The following FLYWCH1 variants were observed in gnomAD, a reference collection of about 807,000 sequenced individuals.
FLYWCH1 encodes FLYWCH-type zinc finger 1, also known as FLYWCH-type zinc finger-containing protein 1.
Under a neutral mutation model 66.4 loss-of-function variants are expected in FLYWCH1, and 75 were observed. The ratio of observed to expected loss-of-function variants is 1.13; its 90% CI spans 0.94 to 1.37. The LOEUF (loss-of-function observed/expected upper bound fraction) is 1.37. Ranked by LOEUF, FLYWCH1 falls within the 40% of genes most tolerant of loss-of-function variation. FLYWCH1 has a pLI of 0.00. For synonymous variants in FLYWCH1, 595 were observed against 429.9 expected (o/e 1.38, Z -4.75); for missense variants, 1,334 against 1,001.8 (o/e 1.33, Z -4.48).
Position 2,933,827 on chromosome 16 carries a change from A to C in FLYWCH1, c.1361A>C (p.Asp454Ala), listed in dbSNP as rs1297962757. 1 of 1,608,728 alleles carries C rather than the reference A, an allele frequency of 6.2e-7. No individual in the cohort carries two copies. Among genetic ancestry groups the C allele is most frequent in the Non-Finnish European group, 8.5e-7 (1 of 1,178,110 alleles). ...AGEKVYWTCR[D>A]QARMGCRSRA... Reference sequence around the variant, plus strand: ...GAGAAGGTGTATTGGACCTGCCGGGACCAGGCCCGCATGGGCTGCCGCAGC... The same window carrying C: ...GAGAAGGTGTATTGGACCTGCCGGGCCCAGGCCCGCATGGGCTGCCGCAGC... The change falls in exon 6 of 10, where the codon GAC (aspartate) becomes GCC (alanine). Residue 454 changes from aspartate to alanine, a missense_variant. By Grantham distance (126) the Asp-to-Ala change is moderately radical. Transcript: ENST00000253928.
intron 2 of FLYWCH1, among the ~76,000 whole-genome samples, chr16:2,918,784 A>G (rs971130177): frequency 1.3e-5 from 2 of 152,126 alleles, no homozygotes; most frequent in African/African-American, 2.4e-5. Context: ...AAATTCGCCA[A>G]TGAATAACAA....
chr16:2,932,057 G>A (rs2070779561), intron 4 of FLYWCH1, among the ~76,000 whole-genome samples: 1 of 150,484 alleles, frequency 6.6e-6, no homozygotes, highest in African/African-American at 2.5e-5. Flanking sequence ...GGCGGAGCTT[G>A]CCGTGGGCCA....
At position 2,930,625 on chromosome 16, in the gene FLYWCH1, C is replaced by T. The variant is rs773586739; in HGVS notation, c.541C>T (p.Leu181=). Residue 181 remains leucine, a synonymous_variant, in exon 4 of 10, where the codon CTG becomes TTG. Transcript: ENST00000253928. ...CTGCCACGCGCCCGATGAGCAAGGC[C>T]TGGAGGCCCGGCGCCAGAGGGAGAA... ...GHCHAPDEQG[L]EARRQREKLP... 4 of 1,550,274 alleles carry T rather than the reference C, an allele frequency of 2.6e-6. No homozygotes were observed. The highest frequency in any genetic ancestry group is 1.2e-5 in the South Asian group (1 of 84,172).
intron 9 of FLYWCH1, among the ~76,000 whole-genome samples, chr16:2,944,477 T>G (rs2071398788): frequency 6.6e-6 from 1 of 152,094 alleles, no homozygotes; most frequent in Non-Finnish European, 1.5e-5. Context: ...ATTAGATTAT[T>G]TACTATACTT....
rs2071646565 is a variant in FLYWCH1 at position 2,950,896 on chromosome 16, G to A, written c.*2169G>A. On this transcript the variant is annotated 3_prime_UTR_variant, in exon 10 of 10. Transcript: ENST00000253928. ...CGCACCCTGGTGGCCACTCAGCCAT[G>A]ACAAGGGCCTGACAGCCACTAAGTG... is the stretch of plus-strand genomic sequence containing the variant. 6.6e-6 allele frequency: 1 copy of A among 152,260 alleles called. No homozygotes were observed. The highest frequency in any genetic ancestry group is 6.5e-5 in the Admixed American group (1 of 15,290). 9.4% of individuals were successfully genotyped at this position (152,260 alleles called of 1,614,324 possible).
At chr16:2,948,518 G>A (rs768420895) in intron 9 of FLYWCH1, among the ~76,000 whole-genome samples, 170 bp from the exon 10 acceptor site, 3 of 152,078 alleles carry the variant, frequency 2.0e-5, no homozygotes, top group Admixed American at 6.5e-5. Flanking sequence ...AGCCGAGATC[G>A]CACCACTGCA....
At chr16:2,944,363 C>T (rs1167565239) in intron 9 of FLYWCH1, among the ~76,000 whole-genome samples, 1 of 145,372 alleles carries the variant, frequency 6.9e-6, no homozygotes, top group East Asian at 2.0e-4. Context: ...GCACTCCATC[C>T]AGCCTGGGTG....
chr16:2,937,469 G>A, intron 7 of FLYWCH1, 85 bp downstream of exon 7: 1 of 1,398,272 alleles, frequency 7.2e-7, no homozygotes, highest in Middle Eastern at 2.6e-4. Flanking sequence ...CCCGTGGGGT[G>A]TTGTGTGTTG....
In FLYWCH1 at chr16:2,933,434, A is replaced by C. The variant is rs1851385207; in HGVS notation, c.1101A>C (p.Arg367=). 6.2e-7 allele frequency: 1 copy of C among 1,600,752 alleles called. No homozygotes were observed. Among genetic ancestry groups the C allele is most frequent in the Non-Finnish European group, 8.5e-7 (1 of 1,174,550 alleles). The part of the protein sequence containing the change: ...GPGSQVDTLL[R]GVDSLLYRRG... ...GGAGCCAAGTGGACACGCTGCTCCGAGGCGTGGATAGTTTGCTCTACCGCA... is the reference window on the plus strand; with the variant it reads ...GGAGCCAAGTGGACACGCTGCTCCGCGGCGTGGATAGTTTGCTCTACCGCA... The change falls in exon 5 of 10, where the codon CGA becomes CGC. Residue 367 remains arginine (R), a synonymous_variant. Transcript: ENST00000253928.
chr16:2,939,764 T>C (rs1010634140), intron 8 of FLYWCH1: 1 of 379,450 alleles, frequency 2.6e-6, no homozygotes, highest in Non-Finnish European at 4.8e-6. Context: ...ACAGAGAAAG[T>C]TGTGCTGGAG....
chr16:2,930,615 T>G lies in FLYWCH1; in HGVS notation c.531T>G (p.Asp177Glu), dbSNP rs1413043867. 3 of 1,551,306 alleles carry G rather than the reference T, an allele frequency of 1.9e-6. No homozygotes were observed. In the Admixed American group the frequency reaches 5.9e-5, roughly 30 times the overall value. The stretch of plus-strand genomic sequence containing the variant: ...TGCGGGGCCACTGCCACGCGCCCGA[T>G]GAGCAAGGCCTGGAGGCCCGGCGCC... ...TVMRGHCHAP[D>E]EQGLEARRQR... Residue 177 changes from aspartate to glutamate, a missense_variant, in exon 4 of 10, where the codon GAT (aspartate) becomes GAG (glutamate). By Grantham distance (45) the Asp-to-Glu change is conservative. Transcript: ENST00000253928.
chr16:2,945,004 C>G (rs922027303), intron 9 of FLYWCH1, among the ~76,000 whole-genome samples: 4 of 151,840 alleles, frequency 2.6e-5, no homozygotes, highest in Non-Finnish European at 5.9e-5. Context: ...CATGGATGAC[C>G]CTGACCCTGT....
intron 9 of FLYWCH1, among the ~76,000 whole-genome samples, chr16:2,941,249 T>TTGAAAC (rs1159055155): frequency 1.7e-4 from 26 of 151,898 alleles, no homozygotes; most frequent in Admixed American, 5.9e-4. Flanking sequence ...GCCCAGGAGT[T>TTGAAAC]TGAAACCAGT....
intron 2 of FLYWCH1, among the ~76,000 whole-genome samples, chr16:2,918,202 C>T (rs1482171228): frequency 7.2e-6 from 1 of 139,340 alleles, no homozygotes; most frequent in Non-Finnish European, 1.5e-5. Flanking sequence ...GGCTGGAGTG[C>T]AGTGGGGCAA....
In FLYWCH1 at chr16:2,939,916, G is replaced by A. The variant is rs539053088; in HGVS notation, c.2051-116G>A. 1.8e-3 allele frequency: 2,279 copies of A among 1,237,112 alleles called. 8 individuals are homozygous for A. The highest frequency in any genetic ancestry group is 2.2e-3 in the Non-Finnish European group (1,983 of 910,004). The allele number at this position is 1,237,112 out of a possible 1,614,324, so 76.6% of individuals were successfully genotyped here. ...TTGAATTCCCAGCGTTGCTTCACCC[G>A]GTTGTCTTTCTCCTCACAGCCTTGA... is the stretch of plus-strand genomic sequence containing the variant. On this transcript the variant is annotated intron_variant, in intron 8 of 9. Transcript: ENST00000253928.
intron 2 of FLYWCH1, among the ~76,000 whole-genome samples, chr16:2,917,433 T>C (rs1334326020): frequency 6.6e-6 from 1 of 151,802 alleles, no homozygotes; most frequent in Non-Finnish European, 1.5e-5. Flanking sequence ...TTTGCCATGT[T>C]GGTCAGGCTG....
At chr16:2,927,558 C>G (rs575824017) in intron 2 of FLYWCH1, among the ~76,000 whole-genome samples, 2 of 152,262 alleles carry the variant, frequency 1.3e-5, no homozygotes, top group South Asian at 4.1e-4. Context: ...TAAAGCTATC[C>G]TAATGGCTCA....
Position 2,940,214 on chromosome 16 carries a change from G to T in FLYWCH1, c.2111+122G>T, listed in dbSNP as rs899704258. On this transcript the variant is annotated intron_variant, in intron 9 of 9. Transcript: ENST00000253928. ...AACATTATGGGAGTGGTTGGGCTGG[G>T]TGGTTCTGACTCCTGAGGTTGAAGA... is the stretch of plus-strand genomic sequence containing the variant. The T allele has an allele frequency of 1.9e-5, 12 of 628,746 alleles. No individual in the cohort carries two copies. The Admixed American group carries it at 2.9e-4, about 15-fold the overall frequency. 38.9% of individuals were successfully genotyped at this position (628,746 alleles called of 1,614,324 possible). A position where few individuals can be genotyped will look rare whatever the true frequency, so the allele number is the denominator to read the frequency against.
In FLYWCH1 at chr16:2,933,830, A is replaced by G; in HGVS notation, c.1364A>G (p.Gln455Arg). ...AAGGTGTATTGGACCTGCCGGGACC[A>G]GGCCCGCATGGGCTGCCGCAGCCGC... ...GEKVYWTCRDQARMGCRSRAI... is the reference protein window; with the variant it reads ...GEKVYWTCRDRARMGCRSRAI... The change falls in exon 6 of 10, where the codon CAG (glutamine) becomes CGG (arginine). Residue 455 changes from glutamine to arginine, a missense_variant. Physicochemically the swap from Gln to Arg is conservative, Grantham distance 43 (BLOSUM62 1). Transcript: ENST00000253928. 6.2e-7 allele frequency: 1 copy of G among 1,608,822 alleles called. No individual in the cohort carries two copies. The highest frequency in any genetic ancestry group is 8.5e-7 in the Non-Finnish European group (1 of 1,178,100).
Sources: allele counts gnomAD v4.1 joint callset (sites outside exome capture counted in the v4.1 genomes callset), GRCh38; gene constraint gnomAD v4.1.1; transcripts MANE v1.5; gene names NCBI Gene and HGNC (gene_info 2026-07-23, HGNC 2026-07-21).